The following RSF1 variants were observed in gnomAD, a reference collection of about 807,000 sequenced individuals.
The protein encoded by RSF1 is HBV pX-associated protein 8.
A neutral mutation model predicts 145.2 loss-of-function variants in RSF1; 13 were observed. The ratio of observed to expected loss-of-function variants is 0.09; its 90% CI spans 0.06 to 0.14. The LOEUF (loss-of-function observed/expected upper bound fraction) is 0.14. Among genes scored for constraint, RSF1 ranks in the 10% least tolerant of loss-of-function variants. The pLI is 1.00. For missense variants in RSF1, 1,517 were observed against 1,718.2 expected (o/e 0.88, Z 2.07); for synonymous variants, 577 against 592.6 (o/e 0.97, Z 0.38).
At chr11:77,690,217 C>A (rs1487543597) in intron 9 of RSF1, among the ~76,000 whole-genome samples, 9 of 151,344 alleles carry the variant, frequency 5.9e-5, no homozygotes, top group African/African-American at 2.2e-4. Flanking sequence ...ACCACCACTG[C>A]AATGCTATAT....
chr11:77,743,212 A>G (rs60948958), intron 3 of RSF1, among the ~76,000 whole-genome samples: 27,232 of 152,038 alleles, frequency 0.18, 3,069 homozygotes, highest in African/African-American at 0.3. Context: ...AGACTGCTTT[A>G]GTTACTCAGG....
At chr11:77,716,289 G>A (rs1960807867) in intron 5 of RSF1, among the ~76,000 whole-genome samples, 2 of 152,082 alleles carry the variant, frequency 1.3e-5, no homozygotes, top group South Asian at 2.1e-4. Context: ...CAAAGAAAAT[G>A]AAACCAGTTT....
At chr11:77,747,240 C>T (rs1948011423) in intron 2 of RSF1, 112 bp from the exon 3 acceptor site, 2 of 639,986 alleles carry the variant, frequency 3.1e-6, no homozygotes, top group East Asian at 2.9e-5. Context: ...AAAGAGGTTA[C>T]ACTAAACAGT....
At chr11:77,667,940 T>C (rs1408587336) in intron 15 of RSF1, among the ~76,000 whole-genome samples, 1 of 151,950 alleles carries the variant, frequency 6.6e-6, no homozygotes, top group African/African-American at 2.4e-5. Flanking sequence ...CCTGACCTTG[T>C]GATCCATCTG....
At chr11:77,741,080 A>G (rs996541944) in intron 3 of RSF1, 144 bp from the exon 4 acceptor site, 10 of 652,068 alleles carry the variant, frequency 1.5e-5, no homozygotes, top group Admixed American at 7.6e-5. Flanking sequence ...TCCTCTTCCC[A>G]CTTTCATACA....
At chr11:77,869,684 A>C in the RSF1 span, 1 of 1,579,390 alleles carries the variant, frequency 6.3e-7, no homozygotes, top group Non-Finnish European at 8.7e-7. Context: ...TGAAAGATTG[A>C]GAGCAGGTAC....
At chr11:77,813,239 GTC>G (rs1393986118) in intron 1 of RSF1, 1 of 564,912 alleles carries the variant, frequency 1.8e-6, no homozygotes, top group African/African-American at 1.9e-5. Flanking sequence ...CATGAAAGTA[GTC>G]TAATGATGAA....
chr11:77,667,397 T>C lies in RSF1; in HGVS notation c.3846A>G (p.Ser1282=). The change falls in exon 16 of 16, where the codon TCA becomes TCG. Residue 1282 remains serine, a synonymous_variant. Transcript: ENST00000308488. ...RKRGRSTDEY[S]EADEEEEEEE... ...CTTCCTCCTCCTCCTCATCTGCTTC[T>C]GAATACTCGTCTGTGCTTCGGCCCC... 1 of 1,614,082 alleles carries C rather than the reference T, an allele frequency of 6.2e-7. No homozygotes were observed. Among genetic ancestry groups the C allele is most frequent in the Non-Finnish European group, 8.5e-7 (1 of 1,180,028 alleles).
the RSF1 span, chr11:77,842,610 G>A: frequency 6.2e-7 from 1 of 1,613,942 alleles, no homozygotes; most frequent in Non-Finnish European, 8.5e-7. Flanking sequence ...CTTGGGATTG[G>A]AGAGAAACAG....
At chr11:77,774,033 T>G (rs1184112211) in intron 1 of RSF1, among the ~76,000 whole-genome samples, 1 of 152,330 alleles carries the variant, frequency 6.6e-6, no homozygotes, top group African/African-American at 2.4e-5. Context: ...GGTAAGCTCT[T>G]TAACTTCTTT....
At chr11:77,826,908 C>G in the RSF1 span, among the ~76,000 whole-genome samples, 2 of 152,114 alleles carry the variant, frequency 1.3e-5, no homozygotes, top group African/African-American at 2.4e-5. Flanking sequence ...AGTTCGAGAC[C>G]AGCCTGGCCA....
At chr11:77,730,864 T>C (rs1043651188) in intron 4 of RSF1, among the ~76,000 whole-genome samples, 1 of 152,244 alleles carries the variant, frequency 6.6e-6, no homozygotes, top group African/African-American at 2.4e-5. Context: ...TCCCCAGCCA[T>C]GTGGAACTGT....
chr11:77,732,462 C>T (rs1961230537), intron 4 of RSF1, among the ~76,000 whole-genome samples: 1 of 152,090 alleles, frequency 6.6e-6, no homozygotes, highest in African/African-American at 2.4e-5. Context: ...TGGTTTTGAA[C>T]TATGAGGACA....
the RSF1 span, among the ~76,000 whole-genome samples, chr11:77,871,488 G>A: frequency 2.0e-5 from 3 of 152,156 alleles, no homozygotes; most frequent in African/African-American, 7.2e-5. Flanking sequence ...AATAATAAAC[G>A]CAGTGAGGAA....
intron 11 of RSF1, among the ~76,000 whole-genome samples, chr11:77,679,375 T>C (rs997537106): frequency 3.3e-5 from 5 of 152,196 alleles, no homozygotes; most frequent in African/African-American, 1.2e-4. Context: ...TAAATACTAT[T>C]AAGTCCTAAT....
At chr11:77,700,676 T>A in intron 6 of RSF1, 45 bp downstream of exon 6, 6 of 1,399,678 alleles carry the variant, frequency 4.3e-6, no homozygotes, top group Non-Finnish European at 5.7e-6. Flanking sequence ...AACCTATTAA[T>A]ATATAGAGAC....
At chr11:77,855,060 A>G in the RSF1 span, among the ~76,000 whole-genome samples, 18 of 152,074 alleles carry the variant, frequency 1.2e-4, no homozygotes, top group South Asian at 3.7e-3. Flanking sequence ...GCCCCTTTTA[A>G]CCATAGCTAG....
chr11:77,784,315 TA>T (rs1322819003), intron 1 of RSF1, among the ~76,000 whole-genome samples: 4 of 152,230 alleles, frequency 2.6e-5, no homozygotes, highest in African/African-American at 7.2e-5. Context: ...AAGATACTAT[TA>T]TTTTTTTAAT....
At chr11:77,762,023 T>TTTTC (rs1274372724) in intron 2 of RSF1, 1 of 54,804 alleles carries the variant, frequency 1.8e-5, no homozygotes, top group African/African-American at 5.2e-5. Flanking sequence ...TTTTCTTTTC[T>TTTTC]TTTCTTTTTT....
Sources: gnomAD v4.1 joint callset for allele counts (sites outside exome capture counted in the v4.1 genomes callset) on GRCh38, gnomAD v4.1.1 for gene constraint, MANE v1.5 for transcripts, NCBI Gene and HGNC (gene_info 2026-07-23, HGNC 2026-07-21) for gene names.